MAOA: variants seen among roughly 807,000 people sequenced by gnomAD.
MAOA encodes the protein amine oxidase [flavin-containing] A.
In MAOA, 6 loss-of-function variants were observed where a neutral mutation model predicts 42.0. The ratio of observed to expected loss-of-function variants is 0.14; its 90% CI spans 0.08 to 0.28. The LOEUF (loss-of-function observed/expected upper bound fraction) is 0.28, where lower values mean the gene tolerates loss of function less well. Ranked by LOEUF, MAOA falls within the 10% of genes least tolerant of loss-of-function variation. MAOA has a pLI of 1.00. For missense variants in MAOA, 262 were observed against 422.3 expected (o/e 0.62, Z 3.33); for synonymous variants, 140 against 154.0 (o/e 0.91, Z 0.67).
intron 1 of MAOA, among the ~76,000 whole-genome samples, chrX:43,669,417 C>T (rs768818537): frequency 2.7e-5 from 3 of 110,381 alleles, no homozygotes; most frequent in South Asian, 3.9e-4. Context: ...GACTCCATCT[C>T]GAAAAAAATA....
At chrX:43,671,406 G>A (rs1462664481) in intron 1 of MAOA, among the ~76,000 whole-genome samples, 1 of 112,247 alleles carries the variant, frequency 8.9e-6, no homozygotes, top group Non-Finnish European at 1.9e-5. Flanking sequence ...TGTTCACTCT[G>A]ACGGTAGTTT....
chrX:43,711,952 G>A lies in MAOA; in HGVS notation c.387G>A (p.Arg129=). ...IAYLDYNNLW[R]TIDNMGKEIP... is the part of the protein sequence containing the mutation. Reference sequence around the variant, plus strand: ...ATTTGGATTACAATAATCTGTGGAGGACAATAGATAACATGGGGAAGGAGG... The same window carrying A: ...ATTTGGATTACAATAATCTGTGGAGAACAATAGATAACATGGGGAAGGAGG... Residue 129 remains arginine (R), a synonymous_variant, in exon 4 of 15, where the codon AGG becomes AGA. Coordinates refer to ENST00000338702, the MANE Select transcript of MAOA (RefSeq NM_000240.4). 1 of 1,199,978 alleles carries A rather than the reference G, an allele frequency of 8.3e-7. No individual in the cohort carries two copies. The highest frequency in any genetic ancestry group is 1.1e-6 in the Non-Finnish European group (1 of 884,860).
At position 43,741,896 on chromosome X, in the gene MAOA, G is replaced by A. The variant is rs1263007104; in HGVS notation, c.1165-54G>A. 4.2e-6 allele frequency: 5 copies of A among 1,203,329 alleles called. No homozygotes were observed. The African/African-American group carries it at 5.3e-5, about 13-fold the overall frequency. On this transcript the variant is annotated intron_variant, in intron 11 of 14. Transcript: ENST00000338702. ...GTTAAAGCAACGATATTATTGACTC[G>A]CAGCATTTCAGCTTTGTTTTCTCTT...
intron 2 of MAOA, among the ~76,000 whole-genome samples, chrX:43,689,546 A>G (rs868454486): frequency 7.1e-5 from 8 of 112,108 alleles, no homozygotes; most frequent in South Asian, 7.3e-4. Context: ...TCAACATACT[A>G]TCTTTCTACT....
intron 4 of MAOA, among the ~76,000 whole-genome samples, 158 bp from the exon 5 acceptor site, chrX:43,712,547 A>G (rs1309619114): frequency 9.0e-6 from 1 of 111,334 alleles, no homozygotes; most frequent in Non-Finnish European, 1.9e-5. Context: ...AATCCAAAGA[A>G]CTCTACCCCA....
chrX:43,705,282 A>T (rs1042344617), intron 3 of MAOA, among the ~76,000 whole-genome samples: 8 of 112,490 alleles, frequency 7.1e-5, no homozygotes, highest in African/African-American at 2.6e-4. Context: ...ATATAGGTAA[A>T]TGGAGTAGAA....
intron 3 of MAOA, among the ~76,000 whole-genome samples, chrX:43,702,975 G>C (rs2033635040): frequency 9.0e-6 from 1 of 111,043 alleles, no homozygotes; most frequent in South Asian, 3.8e-4. Context: ...CACAGACATG[G>C]GTGCAGTCAC....
intron 2 of MAOA, among the ~76,000 whole-genome samples, chrX:43,688,375 G>C: frequency 9.0e-6 from 1 of 111,614 alleles, no homozygotes; most frequent in East Asian, 2.8e-4. Flanking sequence ...CTGTCTCCTG[G>C]GTTCCAGCAA....
rs1228114434 is a variant in MAOA at position 43,707,123 on chromosome X, A to G, written c.307-4749A>G. ...ATAATAACAAATTTGAGGGTGGATGAGTTCCCCAGGGAAATGGGAAAGGGG... is the reference window on the plus strand; with the variant it reads ...ATAATAACAAATTTGAGGGTGGATGGGTTCCCCAGGGAAATGGGAAAGGGG... On this transcript the variant is annotated intron_variant, in intron 3 of 14. Transcript: ENST00000338702. Among the ~76,000 whole-genome samples the G allele has an allele frequency of 4.5e-5, 5 of 111,464 alleles. No homozygotes were observed. In the East Asian group the frequency reaches 1.4e-3, roughly 32 times the overall value.
At chrX:43,689,605 A>G (rs1266196599) in intron 2 of MAOA, among the ~76,000 whole-genome samples, 1 of 112,067 alleles carries the variant, frequency 8.9e-6, no homozygotes, top group Admixed American at 9.5e-5. Context: ...CCTTCTTCCA[A>G]TCTGTAAACT....
intron 5 of MAOA, among the ~76,000 whole-genome samples, chrX:43,725,274 A>G (rs1185481667): frequency 9.0e-6 from 1 of 111,438 alleles, no homozygotes; most frequent in African/African-American, 3.3e-5. Flanking sequence ...GGGGTATTAA[A>G]GTCTCCCACC....
At chrX:43,731,099 A>G in intron 6 of MAOA, 142 bp from the exon 7 acceptor site, 2 of 558,669 alleles carry the variant, frequency 3.6e-6, no homozygotes, top group Non-Finnish European at 6.2e-6. Flanking sequence ...CCTCTGTCCT[A>G]ATGAAGTCTT....
chrX:43,700,473 T>C (rs2033615023), intron 3 of MAOA, among the ~76,000 whole-genome samples: 2 of 111,789 alleles, frequency 1.8e-5, no homozygotes, highest in Admixed American at 1.9e-4. Flanking sequence ...ATTTCACAGT[T>C]CACAGTTCAT....
At chrX:43,666,969 A>G (rs1481597281) in intron 1 of MAOA, among the ~76,000 whole-genome samples, 2 of 88,793 alleles carry the variant, frequency 2.3e-5, no homozygotes, top group East Asian at 8.2e-4. Flanking sequence ...CAGGAAGGGG[A>G]ACATCACATA....
intron 1 of MAOA, among the ~76,000 whole-genome samples, chrX:43,659,598 A>G (rs1442590830): frequency 9.0e-6 from 1 of 110,831 alleles, no homozygotes; most frequent in East Asian, 2.8e-4. Flanking sequence ...TCCCTTATCT[A>G]TAGAAAACTC....
At chrX:43,707,452 G>A (rs1231529133) in intron 3 of MAOA, among the ~76,000 whole-genome samples, 1 of 111,894 alleles carries the variant, frequency 8.9e-6, no homozygotes, top group Non-Finnish European at 1.9e-5. Flanking sequence ...TTAAAAGAAT[G>A]CAAAGAGGAT....
At chrX:43,680,678 A>G (rs934976244) in intron 1 of MAOA, among the ~76,000 whole-genome samples, 1 of 110,844 alleles carries the variant, frequency 9.0e-6, no homozygotes, top group Non-Finnish European at 1.9e-5. Context: ...TAGCAGCTTG[A>G]TTATCATTAT....
chrX:43,679,286 C>A (rs1486200273), intron 1 of MAOA, among the ~76,000 whole-genome samples: 2 of 109,605 alleles, frequency 1.8e-5, no homozygotes, highest in Non-Finnish European at 3.8e-5. Flanking sequence ...CCTGCTCCCC[C>A]CTCCCCTTTT....
intron 12 of MAOA, among the ~76,000 whole-genome samples, chrX:43,743,461 G>A (rs1352138058): frequency 1.8e-5 from 2 of 110,712 alleles, no homozygotes; most frequent in African/African-American, 6.6e-5. Context: ...ACAGGGAGAA[G>A]AATGGACTGC....
Sources: allele counts gnomAD v4.1 joint callset (sites outside exome capture counted in the v4.1 genomes callset), GRCh38; gene constraint gnomAD v4.1.1; transcripts MANE v1.5; gene names NCBI Gene and HGNC (gene_info 2026-07-23, HGNC 2026-07-21).